The following TRAM2 variants were observed in gnomAD, a reference collection of about 807,000 sequenced individuals.
TRAM2 encodes translocation associated membrane protein 2, also known as translocating chain-associated membrane protein 2.
TRAM2 carries 12 observed loss-of-function variants against 51.0 expected under a neutral mutation model. The ratio of observed to expected loss-of-function variants is 0.24; its 90% confidence interval spans 0.15 to 0.38. The LOEUF is 0.38. Among genes scored for constraint, TRAM2 ranks in the 10% least tolerant of loss-of-function variants. The pLI is 1.00. For synonymous variants in TRAM2, 175 were observed against 179.4 expected (o/e 0.98, Z 0.20); for missense variants, 361 against 462.0 (o/e 0.78, Z 2.00).
chr6:52,511,918 T>G (rs995959402), intron 4 of TRAM2, among the ~76,000 whole-genome samples: 2 of 152,148 alleles, frequency 1.3e-5, no homozygotes, highest in Non-Finnish European at 2.9e-5. Flanking sequence ...ACGTGCCGAT[T>G]GAGGAATAAA....
At position 52,541,306 on chromosome 6, in the gene TRAM2, T is replaced by C. The variant is rs539286137; in HGVS notation, c.121-5460A>G. On this transcript the variant is annotated intron_variant, in intron 1 of 10. Transcript: ENST00000182527. ...AGTCCAAGGGCTTCACATAAATCTATCTCATGTCATCCCCACAATGACCCT... is the reference window on the plus strand; with the variant it reads ...AGTCCAAGGGCTTCACATAAATCTACCTCATGTCATCCCCACAATGACCCT... Among the ~76,000 whole-genome samples the C allele has an allele frequency of 8.5e-4, 129 of 152,162 alleles. 1 individual carries two copies. Among genetic ancestry groups the C allele is most frequent in the South Asian group, 1.9e-3 (9 of 4,828 alleles).
At chr6:52,559,113 T>C (rs2268711) in intron 1 of TRAM2, among the ~76,000 whole-genome samples, 5,895 of 152,234 alleles carry the variant, frequency 0.039, 131 homozygotes, top group East Asian at 0.086. Flanking sequence ...GATGGTACTT[T>C]AGTAAGTTTA....
At chr6:52,522,124 C>G (rs1766688085) in intron 2 of TRAM2, among the ~76,000 whole-genome samples, 3 of 152,262 alleles carry the variant, frequency 2.0e-5, no homozygotes, top group Non-Finnish European at 4.4e-5. Flanking sequence ...TCTGGTCTAT[C>G]TTTCACATCT....
intron 2 of TRAM2, among the ~76,000 whole-genome samples, chr6:52,518,807 T>C (rs1766607116): frequency 6.6e-6 from 1 of 152,176 alleles, no homozygotes; most frequent in African/African-American, 2.4e-5. Context: ...AAGAGACCAA[T>C]TAGGTGGCCG....
Position 52,506,090 on chromosome 6 carries a change from C to G in TRAM2, c.673G>C (p.Glu225Gln). 1.2e-6 allele frequency: 2 copies of G among 1,614,162 alleles called. No individual in the cohort carries two copies. The highest frequency in any genetic ancestry group is 1.7e-6 in the Non-Finnish European group (2 of 1,180,048). The change falls in exon 8 of 11, where the codon GAG becomes CAG. Residue 225 changes from glutamate to glutamine, a missense_variant. Coordinates refer to ENST00000182527, the MANE Select transcript of TRAM2 (RefSeq NM_012288.4). ...LILLLLQYST[E>Q]FLFHTARLFY... ...AGTCTAGCCGTGTGGAAGAGGAACT[C>G]AGTTGAGTACTGCAGCAGCAGCAAG...
At chr6:52,508,389 G>A in intron 5 of TRAM2, 71 bp from the exon 6 acceptor site, 1 of 1,442,812 alleles carries the variant, frequency 6.9e-7, no homozygotes, top group Non-Finnish European at 9.7e-7. Context: ...GCCAAGCACA[G>A]GAGGGAAAAG....
chr6:52,526,140 TACACACAGACAGAC>T (rs1455554815), intron 2 of TRAM2, among the ~76,000 whole-genome samples: 2 of 98,768 alleles, frequency 2.0e-5, no homozygotes, highest in African/African-American at 3.9e-5. Context: ...TCCTAGGAAA[TACACACAGACAGAC>T]ACACACACAC....
chr6:52,509,283 G>A (rs1444709300), intron 5 of TRAM2, among the ~76,000 whole-genome samples: 1 of 152,214 alleles, frequency 6.6e-6, no homozygotes, highest in East Asian at 1.9e-4. Flanking sequence ...TTCTGAATCT[G>A]TCTCATGCAG....
chr6:52,570,620 C>T (rs145864700), intron 1 of TRAM2, among the ~76,000 whole-genome samples: 9 of 152,174 alleles, frequency 5.9e-5, no homozygotes, highest in Non-Finnish European at 1.0e-4. Flanking sequence ...CAGGGTGAGG[C>T]GAGTGAAGCA....
intron 1 of TRAM2, 109 bp downstream of exon 1, chr6:52,576,687 C>A: frequency 1.4e-6 from 2 of 1,416,962 alleles, no homozygotes; most frequent in South Asian, 1.3e-5. Flanking sequence ...ACGTACACGG[C>A]AGCCAGGAGC....
In TRAM2 at chr6:52,497,516, AAC is replaced by A; in HGVS notation, c.*5679_*5680del. The stretch of plus-strand genomic sequence containing the variant: ...GTAATTTGTTTTAAAACCAGACAGA[AAC>A]AGTGGAAAAATGATTTTGAAAAAAA... On this transcript the variant is annotated 3_prime_UTR_variant, in exon 11 of 11. Transcript: ENST00000182527. The A allele has an allele frequency of 6.5e-6, 1 of 152,682 alleles. No individual in the cohort carries two copies. The highest frequency in any genetic ancestry group is 2.4e-5 in the African/African-American group (1 of 41,476). The allele number at this position is 152,682 out of a possible 1,614,324, so 9.5% of individuals were successfully genotyped here.
chr6:52,542,660 G>A (rs112640721), intron 1 of TRAM2, among the ~76,000 whole-genome samples: 2 of 152,092 alleles, frequency 1.3e-5, no homozygotes, highest in Non-Finnish European at 2.9e-5. Flanking sequence ...CTGTGATCAC[G>A]ATGTTGAATA....
chr6:52,566,227 T>C (rs1358277133), intron 1 of TRAM2, among the ~76,000 whole-genome samples: 1 of 152,096 alleles, frequency 6.6e-6, no homozygotes, highest in African/African-American at 2.4e-5. Context: ...AGAAAAGCCC[T>C]TTCTCTCTCC....
At chr6:52,505,903 T>C (rs1766339165) in intron 8 of TRAM2, 129 bp downstream of exon 8, 1 of 1,387,290 alleles carries the variant, frequency 7.2e-7, no homozygotes, top group Admixed American at 2.3e-5. Context: ...CAGAAAAAAA[T>C]AACGGGAGGG....
chr6:52,506,732 A>G (rs571656266), intron 7 of TRAM2, among the ~76,000 whole-genome samples: 2 of 152,294 alleles, frequency 1.3e-5, no homozygotes, highest in African/African-American at 2.4e-5. Context: ...TTCAGCCCTC[A>G]AAGACCCATC....
chr6:52,508,446 A>G, intron 5 of TRAM2, 128 bp from the exon 6 acceptor site: 2 of 857,208 alleles, frequency 2.3e-6, no homozygotes. Flanking sequence ...GGAGCAAGGG[A>G]GTTAGGCCAG....
chr6:52,546,858 G>T (rs1280139508), intron 1 of TRAM2, among the ~76,000 whole-genome samples: 3 of 152,180 alleles, frequency 2.0e-5, no homozygotes, highest in African/African-American at 7.2e-5. Flanking sequence ...ACTGAAATGT[G>T]AGCAGCCCGT....
chr6:52,511,954 C>A (rs570675104), intron 4 of TRAM2, among the ~76,000 whole-genome samples: 1 of 152,164 alleles, frequency 6.6e-6, no homozygotes, highest in African/African-American at 2.4e-5. Flanking sequence ...CGGGTGGTGG[C>A]GTGTGTGGTG....
intron 1 of TRAM2, among the ~76,000 whole-genome samples, chr6:52,568,226 A>G (rs1767622474): frequency 6.6e-6 from 1 of 152,204 alleles, no homozygotes; most frequent in South Asian, 2.1e-4. Flanking sequence ...GAACCCTGAA[A>G]GAAGGGCACA....
Sources: gnomAD v4.1 joint callset for allele counts (sites outside exome capture counted in the v4.1 genomes callset) on GRCh38, gnomAD v4.1.1 for gene constraint, MANE v1.5 for transcripts, NCBI Gene and HGNC (gene_info 2026-07-23, HGNC 2026-07-21) for gene names.